MEF2C: variants seen among roughly 807,000 people sequenced by gnomAD.
MEF2C encodes the protein myocyte enhancer factor 2C.
A neutral mutation model predicts 50.5 loss-of-function variants in MEF2C; 6 were observed. The observed-to-expected ratio is 0.12, with a 90% confidence interval of 0.07 to 0.23. The LOEUF is 0.23. MEF2C is among the 10% of genes least tolerant of loss of function. The pLI is 1.00. For synonymous variants in MEF2C, 183 were observed against 228.0 expected, an observed-to-expected ratio of 0.80 and a Z score of 1.78; for missense variants, 276 against 605.0, an observed-to-expected ratio of 0.46 and a Z score of 5.70.
chr5:88,734,575 T>G (rs868120201), intron 6 of MEF2C: 299 of 898,532 alleles, frequency 3.3e-4, no homozygotes, highest in East Asian at 1.9e-3. Flanking sequence ...GTTTTTTTTT[T>G]TTTTTTTTTT....
intron 3 of MEF2C, among the ~76,000 whole-genome samples, chr5:88,791,718 TA>T (rs1170414035): frequency 2.5e-4 from 38 of 152,108 alleles, no homozygotes; most frequent in African/African-American, 8.4e-4. Context: ...TGAATACATT[TA>T]AAAAATTTTA....
chr5:88,729,685 TA>T (rs370296425), intron 8 of MEF2C, among the ~76,000 whole-genome samples: 62 of 151,540 alleles, frequency 4.1e-4, no homozygotes, highest in East Asian at 3.1e-3. Context: ...AAATGCAAAT[TA>T]AAAAAAAATT....
In MEF2C at chr5:88,719,681, A is replaced by G. The variant is rs1449177292; in HGVS notation, c.*2923T>C. ...ATAAATGGTAAATTACAGATAAGGT[A>G]TAAGGGTAAAGATAGACCAAGATTG... On this transcript the variant is annotated 3_prime_UTR_variant, in exon 11 of 11. Coordinates refer to ENST00000504921, the MANE Select transcript of MEF2C (RefSeq NM_002397.5). 6.6e-6 allele frequency: 1 copy of G among 152,246 alleles called. No individual in the cohort carries two copies. The allele number at this position is 152,246 out of a possible 1,614,324, so 9.4% of individuals were successfully genotyped here.
intron 1 of MEF2C, among the ~76,000 whole-genome samples, chr5:88,862,857 A>G (rs1248059071): frequency 1.3e-5 from 2 of 152,288 alleles, no homozygotes; most frequent in Admixed American, 1.3e-4. Flanking sequence ...GAATGGAAAG[A>G]AGATTAGGTT....
At chr5:88,894,668 T>C (rs1280388984) in intron 1 of MEF2C, among the ~76,000 whole-genome samples, 2 of 152,226 alleles carry the variant, frequency 1.3e-5, no homozygotes, top group Non-Finnish European at 2.9e-5. Context: ...ATTTGTCTCA[T>C]AAATTGACAC....
intron 1 of MEF2C, among the ~76,000 whole-genome samples, chr5:88,868,391 A>G (rs1828103708): frequency 6.6e-6 from 1 of 152,182 alleles, no homozygotes; most frequent in African/African-American, 2.4e-5. Context: ...ATTTGGGATG[A>G]TATTTACACT....
chr5:88,862,342 ATGTT>A (rs1383325988), intron 1 of MEF2C, among the ~76,000 whole-genome samples: 4 of 152,144 alleles, frequency 2.6e-5, no homozygotes, highest in Non-Finnish European at 4.4e-5. Context: ...ATACATGTGT[ATGTT>A]TGTTTGGCAA....
At chr5:88,741,445 G>C (rs1766735840) in intron 6 of MEF2C, 7 of 985,074 alleles carry the variant, frequency 7.1e-6, no homozygotes, top group Non-Finnish European at 8.4e-6. Flanking sequence ...TACTTTCCTT[G>C]GTTGTTTTAT....
chr5:88,782,475 A>T (rs1358577758), intron 3 of MEF2C, among the ~76,000 whole-genome samples: 2 of 152,090 alleles, frequency 1.3e-5, no homozygotes, highest in South Asian at 2.1e-4. Context: ...AAAAAAAAAA[A>T]AAATAAAAAC....
intron 3 of MEF2C, among the ~76,000 whole-genome samples, chr5:88,778,142 T>G (rs1336167468): frequency 6.6e-6 from 1 of 151,734 alleles, no homozygotes; most frequent in Non-Finnish European, 1.5e-5. Context: ...TCTCTTGACC[T>G]TGTGATCCAC....
intron 1 of MEF2C, chr5:88,824,430 T>C (rs1042445210): frequency 6.2e-6 from 5 of 812,410 alleles, no homozygotes; most frequent in Non-Finnish European, 7.4e-6. Context: ...GAAAGTGCTA[T>C]TTGATATATG....
chr5:88,823,498 T>C (rs1450435628), intron 2 of MEF2C, among the ~76,000 whole-genome samples: 1 of 151,924 alleles, frequency 6.6e-6, no homozygotes, highest in Non-Finnish European at 1.5e-5. Context: ...CATTTCAAAT[T>C]TGTGTTGAAG....
At chr5:88,867,920 G>A (rs188230073) in intron 1 of MEF2C, among the ~76,000 whole-genome samples, 43 of 152,284 alleles carry the variant, frequency 2.8e-4, no homozygotes, top group Non-Finnish European at 5.1e-4. Context: ...ATCATTACGC[G>A]TGCAGCGAGA....
intron 1 of MEF2C, among the ~76,000 whole-genome samples, chr5:88,868,163 A>G (rs1828024439): frequency 6.6e-6 from 1 of 152,224 alleles, no homozygotes; most frequent in Non-Finnish European, 1.5e-5. Context: ...CTGGAGAACC[A>G]GGAAAATTTC....
intron 1 of MEF2C, among the ~76,000 whole-genome samples, chr5:88,831,120 T>C (rs1412283467): frequency 6.6e-6 from 1 of 152,124 alleles, no homozygotes; most frequent in Admixed American, 6.6e-5. Flanking sequence ...ATATCATATT[T>C]CACGATTAAA....
chr5:88,794,569 A>C (rs1335773129), intron 3 of MEF2C, among the ~76,000 whole-genome samples: 1 of 152,088 alleles, frequency 6.6e-6, no homozygotes, highest in African/African-American at 2.4e-5. Flanking sequence ...AGATTGCACA[A>C]ATTTTCTTCC....
chr5:88,837,891 A>G (rs1815796414), intron 1 of MEF2C, among the ~76,000 whole-genome samples: 1 of 152,254 alleles, frequency 6.6e-6, no homozygotes, highest in African/African-American at 2.4e-5. Context: ...CTAAGGTATT[A>G]AAAGCTTTAC....
chr5:88,729,051 A>G (rs1242103751), intron 9 of MEF2C, among the ~76,000 whole-genome samples, 167 bp downstream of exon 9: 1 of 152,242 alleles, frequency 6.6e-6, no homozygotes, highest in Non-Finnish European at 1.5e-5. Context: ...TAAGAAAGAA[A>G]AATGTGGATA....
chr5:88,751,160 A>G, intron 5 of MEF2C: 1 of 956,590 alleles, frequency 1.0e-6, no homozygotes, highest in South Asian at 4.8e-5. Flanking sequence ...ACAATTCATC[A>G]TAATGTATTT....
Sources: allele counts gnomAD v4.1 joint callset (sites outside exome capture counted in the v4.1 genomes callset), GRCh38; gene constraint gnomAD v4.1.1; transcripts MANE v1.5; gene names NCBI Gene and HGNC (gene_info 2026-07-23, HGNC 2026-07-21).